The following MICALL1 variants were observed in gnomAD, a reference collection of about 807,000 sequenced individuals.
MICALL1 encodes the protein MICAL like 1, also known as MICAL-like protein 1.
Under a neutral mutation model 83.7 loss-of-function variants are expected in MICALL1, and 61 were observed. The observed-to-expected ratio is 0.73, with a 90% confidence interval of 0.59 to 0.90. The LOEUF is 0.90. Ranked by LOEUF, MICALL1 falls within the 40% of genes least tolerant of loss-of-function variation. The pLI, the probability that MICALL1 is intolerant of heterozygous loss-of-function variation, is 0.00. For missense variants in MICALL1, 1,066 were observed against 1,152.0 expected (o/e 0.93, Z 1.08); for synonymous variants, 481 against 473.6 (o/e 1.02, Z -0.20).
chr22:37,928,862 A>T (rs1929637304), intron 9 of MICALL1, among the ~76,000 whole-genome samples: 1 of 152,094 alleles, frequency 6.6e-6, no homozygotes, highest in Admixed American at 6.6e-5. Context: ...GGTGGCTCAC[A>T]CCTGTAATCC....
chr22:37,922,366 C>T lies in MICALL1; in HGVS notation c.964C>T (p.Arg322Cys), dbSNP rs576456755. 37 of 1,533,760 alleles carry T rather than the reference C, an allele frequency of 2.4e-5. No individual in the cohort carries two copies. Among genetic ancestry groups the T allele is most frequent in the African/African-American group, 1.8e-4 (13 of 72,860 alleles). Residue 322 changes from arginine (R) to cysteine (C), a missense_variant, in exon 6 of 16, where the codon CGC becomes TGC. By Grantham distance (180) the Arg-to-Cys change is radical. Transcript: ENST00000215957. Reference sequence around the variant, plus strand: ...CCCAGCACCCCCCACGCCCCGGCCCCGCTCCAGTCTGCAGCAGGAGAACCT... The same window carrying T: ...CCCAGCACCCCCCACGCCCCGGCCCTGCTCCAGTCTGCAGCAGGAGAACCT... Reference protein sequence around the residue: ...TTPAPPTPRPRSSLQQENLVE... With the variant: ...TTPAPPTPRPCSSLQQENLVE...
intron 2 of MICALL1, 41 bp downstream of exon 2, chr22:37,912,041 A>ATGTGTGTG: frequency 6.6e-7 from 1 of 1,517,648 alleles, no homozygotes; most frequent in Non-Finnish European, 9.1e-7. Flanking sequence ...GGCTCTGTGT[A>ATGTGTGTG]TGTGTGTGTG....
At chr22:37,927,323 C>T (rs541919906) in intron 8 of MICALL1, 88 bp from the exon 9 acceptor site, 46 of 1,389,788 alleles carry the variant, frequency 3.3e-5, no homozygotes, top group African/African-American at 5.8e-5. Flanking sequence ...GGGCTGCCTG[C>T]GGCTCTGTTG....
chr22:37,915,789 G>A (rs901881640), intron 3 of MICALL1, among the ~76,000 whole-genome samples: 2 of 151,848 alleles, frequency 1.3e-5, no homozygotes, highest in African/African-American at 4.8e-5. Context: ...GGGATTACAG[G>A]TGCGCACCAC....
chr22:37,927,876 C>T (rs372286786), intron 9 of MICALL1, 50 bp downstream of exon 9: 11 of 1,509,040 alleles, frequency 7.3e-6, no homozygotes, highest in South Asian at 2.5e-5. Flanking sequence ...CTAGTGGATG[C>T]GGGTCTGGTC....
At chr22:37,936,377 C>T (rs538824466) in intron 13 of MICALL1, among the ~76,000 whole-genome samples, 2 of 152,306 alleles carry the variant, frequency 1.3e-5, no homozygotes, top group South Asian at 4.1e-4. Context: ...GTTGTCTCCT[C>T]GCCCCTGCCC....
chr22:37,912,641 A>T, intron 3 of MICALL1, 149 bp downstream of exon 3: 7 of 649,848 alleles, frequency 1.1e-5, no homozygotes, highest in South Asian at 5.4e-5. Flanking sequence ...TCATTGAAAT[A>T]TTTCTTTTTT....
Position 37,906,676 on chromosome 22 carries a change from G to C in MICALL1, c.146+108G>C. The C allele has an allele frequency of 2.0e-6, 2 of 1,009,630 alleles. No homozygotes were observed. The highest frequency in any genetic ancestry group is 2.4e-6 in the Non-Finnish European group (2 of 817,792). 62.5% of individuals were successfully genotyped at this position (1,009,630 alleles called of 1,614,324 possible). On this transcript the variant is annotated intron_variant, in intron 1 of 15. Transcript: ENST00000215957. This position sits in a 1 kb window ranked among gnomAD's most constrained non-coding sequence, Gnocchi z 4.4. Reference sequence around the variant, plus strand: ...CGGGCGGTGACAGGCGCCGCCCCCGGACACGGAGACGCCGACCCCCCCGAC... The same window carrying C: ...CGGGCGGTGACAGGCGCCGCCCCCGCACACGGAGACGCCGACCCCCCCGAC...
Position 37,919,040 on chromosome 22 carries a change from A to G in MICALL1, c.431A>G (p.Glu144Gly), listed in dbSNP as rs753422186. The G allele has an allele frequency of 3.1e-5, 48 of 1,549,980 alleles. No homozygotes were observed. Among genetic ancestry groups the G allele is most frequent in the Admixed American group, 1.4e-4 (7 of 51,324 alleles). Residue 144 changes from glutamate to glycine, a missense_variant, in exon 5 of 16, where the codon GAG (glutamate) becomes GGG (glycine). Coordinates refer to ENST00000215957, the MANE Select transcript of MICALL1 (RefSeq NM_033386.4). ...PVEPEDVAQG[E>G]ELSSGSLSEQ... ...CCCCCACCTCGTTCTCTGCAGGGCG[A>G]GGAGCTCTCCTCAGGCAGCCTGTCA...
At chr22:37,927,390 T>G (rs1929512944) in intron 8 of MICALL1, 21 bp from the exon 9 acceptor site, 3 of 1,546,932 alleles carry the variant, frequency 1.9e-6, no homozygotes. Context: ...TTGTGAGGTG[T>G]CCTGGTGCTC....
chr22:37,908,754 G>A (rs1928127934), intron 1 of MICALL1, among the ~76,000 whole-genome samples: 1 of 152,196 alleles, frequency 6.6e-6, no homozygotes, highest in Non-Finnish European at 1.5e-5. Context: ...GTGTATAAAC[G>A]ATGATGGCAA....
chr22:37,938,509 A>G (rs927595567), intron 15 of MICALL1, among the ~76,000 whole-genome samples: 3 of 143,252 alleles, frequency 2.1e-5, no homozygotes, highest in East Asian at 4.4e-4. Flanking sequence ...GCTGGAGTGC[A>G]GTGGTGTGAT....
At chr22:37,914,842 A>C (rs545590763) in intron 3 of MICALL1, among the ~76,000 whole-genome samples, 26 of 151,286 alleles carry the variant, frequency 1.7e-4, no homozygotes, top group African/African-American at 6.0e-4. Context: ...GAGTATCACC[A>C]TGTTACCCAG....
intron 2 of MICALL1, 109 bp from the exon 3 acceptor site, chr22:37,912,242 C>T (rs1928375685): frequency 2.2e-6 from 3 of 1,369,254 alleles, no homozygotes; most frequent in Non-Finnish European, 3.0e-6. Flanking sequence ...AGCCCACAGT[C>T]ACCCCATCCC....
intron 5 of MICALL1, among the ~76,000 whole-genome samples, chr22:37,920,092 C>T (rs901596078): frequency 1.6e-4 from 24 of 152,112 alleles, no homozygotes; most frequent in African/African-American, 5.8e-4. Context: ...CCCAAGTAAT[C>T]GGGACTACAG....
Position 37,906,580 on chromosome 22 carries a change from GC to G in MICALL1, c.146+16del. On this transcript the variant is annotated intron_variant, in intron 1 of 15. Coordinates refer to ENST00000215957, the MANE Select transcript of MICALL1 (RefSeq NM_033386.4). This position sits in a 1 kb window ranked among gnomAD's most constrained non-coding sequence, Gnocchi z 4.4. ...CGGCCCGACCTGCTGTGAGTGCGGG[GC>G]CCCGGGCGAGCGGGCGGCGCGGGGC... is the stretch of plus-strand genomic sequence containing the variant. 1 of 1,164,756 alleles carries G rather than the reference GC, an allele frequency of 8.6e-7. No homozygotes were observed. 72.2% of individuals were successfully genotyped at this position (1,164,756 alleles called of 1,614,324 possible).
At chr22:37,925,634 G>C in intron 7 of MICALL1, 27 bp from the exon 8 acceptor site, 2 of 1,577,752 alleles carry the variant, frequency 1.3e-6, no homozygotes, top group South Asian at 2.3e-5. Context: ...TCTGCTAATG[G>C]TTTCTGCTGC....
chr22:37,923,439 G>A (rs1462878458), intron 6 of MICALL1, among the ~76,000 whole-genome samples: 2 of 152,152 alleles, frequency 1.3e-5, no homozygotes, highest in Admixed American at 1.3e-4. Flanking sequence ...TGTTGGCCAG[G>A]CTGGTCTCGA....
At chr22:37,937,616 G>T in intron 14 of MICALL1, 130 bp from the exon 15 acceptor site, 1 of 842,926 alleles carries the variant, frequency 1.2e-6, no homozygotes, top group African/African-American at 1.7e-5. Context: ...TAGAGATGGG[G>T]TTTCACCATG....
Sources: allele counts gnomAD v4.1 joint callset (sites outside exome capture counted in the v4.1 genomes callset), GRCh38; gene constraint gnomAD v4.1.1; non-coding constraint Gnocchi (gnomAD v3.1); transcripts MANE v1.5; gene names NCBI Gene and HGNC (gene_info 2026-07-23, HGNC 2026-07-21).